TMEM231: variants seen among roughly 807,000 people sequenced by gnomAD.
TMEM231 encodes the protein transmembrane protein 231.
A neutral mutation model predicts 38.5 loss-of-function variants in TMEM231; 40 were observed. The observed-to-expected ratio is 1.04, with a 90% CI of 0.81 to 1.35. The LOEUF (loss-of-function observed/expected upper bound fraction) is 1.35, where lower values mean the gene tolerates loss of function less well. Ranked by LOEUF, TMEM231 falls within the 40% of genes most tolerant of loss-of-function variation. The pLI is 0.00. For synonymous variants in TMEM231, 199 were observed against 181.7 expected (o/e 1.10, Z -0.77); for missense variants, 420 against 416.9 (o/e 1.01, Z -0.07).
chr16:75,549,066 G>C (rs1405832579), intron 2 of TMEM231, among the ~76,000 whole-genome samples: 1 of 152,138 alleles, frequency 6.6e-6, no homozygotes. Context: ...GTGAGAAGGA[G>C]AGCAGGGTGG....
At chr16:75,543,843 T>C (rs78465617) in intron 4 of TMEM231, among the ~76,000 whole-genome samples, 3,842 of 152,330 alleles carry the variant, frequency 0.025, 146 homozygotes, top group African/African-American at 0.083. Flanking sequence ...TCTTTACAAC[T>C]TATATTGATT....
chr16:75,556,045 T>C (rs1415553982), intron 1 of TMEM231, 26 bp downstream of exon 1: 2 of 1,566,392 alleles, frequency 1.3e-6, no homozygotes, highest in East Asian at 2.4e-5. Flanking sequence ...GGGAGCCTCG[T>C]GGCACAGCGG....
chr16:75,541,541 T>C, intron 5 of TMEM231, 86 bp from the exon 6 acceptor site: 1 of 773,280 alleles, frequency 1.3e-6, no homozygotes, highest in Non-Finnish European at 2.0e-6. Flanking sequence ...TACCTGGAAA[T>C]TATCCTGTGC....
chr16:75,539,744 G>A lies in TMEM231; in HGVS notation c.*250C>T, dbSNP rs896533593. The A allele has an allele frequency of 1.0e-4, 38 of 367,020 alleles. No individual in the cohort carries two copies. The highest frequency in any genetic ancestry group is 2.1e-4 in the African/African-American group (10 of 47,940). 22.7% of individuals were successfully genotyped at this position (367,020 alleles called of 1,614,324 possible). A position where few individuals can be genotyped will look rare whatever the true frequency, so the allele number is the denominator to read the frequency against. On this transcript the variant is annotated 3_prime_UTR_variant, in exon 7 of 7. Transcript: ENST00000258173. ...GAAATTCAACGCTAAGGCAAAGAAG[G>A]AAAACCCAAAAAGCTAATTATAGCC... is the stretch of plus-strand genomic sequence containing the variant.
intron 4 of TMEM231, among the ~76,000 whole-genome samples, chr16:75,542,905 A>G (rs1011891601): frequency 1.1e-4 from 16 of 152,158 alleles, no homozygotes; most frequent in African/African-American, 3.9e-4. Flanking sequence ...CTACTGCAGT[A>G]TCAATAATCT....
rs1008261817 is a variant in TMEM231, at chr16:75,537,783, C to T, written c.*2211G>A. 2.0e-5 allele frequency: 3 copies of T among 152,228 alleles called. No individual in the cohort carries two copies. Among genetic ancestry groups the T allele is most frequent in the Non-Finnish European group, 4.4e-5 (3 of 68,056 alleles). 9.4% of individuals were successfully genotyped at this position (152,228 alleles called of 1,614,324 possible). Reference sequence around the variant, plus strand: ...TACAGGCGTGAGCCACCGCTCCCGGCCTCTTGCTTTTTATTTACCTCTTGC... The same window carrying T: ...TACAGGCGTGAGCCACCGCTCCCGGTCTCTTGCTTTTTATTTACCTCTTGC... On this transcript the variant is annotated 3_prime_UTR_variant, in exon 7 of 7. Coordinates refer to ENST00000258173, the MANE Select transcript of TMEM231 (RefSeq NM_001077418.3).
intron 2 of TMEM231, among the ~76,000 whole-genome samples, chr16:75,549,432 C>T (rs2080730322): frequency 6.6e-6 from 1 of 152,118 alleles, no homozygotes; most frequent in Non-Finnish European, 1.5e-5. Context: ...ATTCATTGTC[C>T]CACGTGATTC....
In TMEM231 at chr16:75,545,465, C is replaced by T. The variant is rs776437833; in HGVS notation, c.469G>A (p.Ala157Thr). ...RMATLVMQSM[A>T]FLQSSFPVPG... ...ACAGGAAAGGAGGACTGGAGAAACG[C>T]CATGCTCTGCATCACGAGGGTCGCC... The change falls in exon 4 of 7, where the codon GCG (alanine) becomes ACG (threonine). Residue 157 changes from alanine to threonine, a missense_variant. Physicochemically the swap from Ala to Thr is moderately conservative, Grantham distance 58. Coordinates refer to ENST00000258173, the MANE Select transcript of TMEM231 (RefSeq NM_001077418.3). 7.5e-6 allele frequency: 12 copies of T among 1,589,518 alleles called. No individual in the cohort carries two copies. The highest frequency in any genetic ancestry group is 9.4e-6 in the Non-Finnish European group (11 of 1,165,410).
chr16:75,551,090 G>A (rs537048105), intron 2 of TMEM231, among the ~76,000 whole-genome samples: 132 of 152,276 alleles, frequency 8.7e-4, no homozygotes, highest in Admixed American at 1.8e-3. Context: ...TCATCACCGG[G>A]TGCTCCTTTC....
chr16:75,547,011 G>GA (rs937590828), intron 2 of TMEM231, among the ~76,000 whole-genome samples: 4 of 151,868 alleles, frequency 2.6e-5, no homozygotes, highest in African/African-American at 9.7e-5. Context: ...TGTAGGCAGT[G>GA]AAAAAAAACT....
Position 75,539,936 on chromosome 16 carries a change from T to G in TMEM231, c.*58A>C, listed in dbSNP as rs2080601193. 1.3e-5 allele frequency: 20 copies of G among 1,495,492 alleles called. No individual in the cohort carries two copies. Among genetic ancestry groups the G allele is most frequent in the Non-Finnish European group, 1.7e-5 (19 of 1,103,324 alleles). 92.6% of individuals were successfully genotyped at this position (1,495,492 alleles called of 1,614,324 possible). A position where few individuals can be genotyped will look rare whatever the true frequency, so the allele number is the denominator to read the frequency against. On this transcript the variant is annotated 3_prime_UTR_variant, in exon 7 of 7. Coordinates refer to ENST00000258173, the MANE Select transcript of TMEM231 (RefSeq NM_001077418.3). ...GCTCTTTCAAAAGGTCCTAAGATGT[T>G]CCCAGAAGATGACAATGAGGCAGCC... is the stretch of plus-strand genomic sequence containing the variant.
At chr16:75,548,029 C>G (rs1025504619) in intron 2 of TMEM231, among the ~76,000 whole-genome samples, 2 of 152,140 alleles carry the variant, frequency 1.3e-5, no homozygotes, top group African/African-American at 4.8e-5. Context: ...TTCCTTTGAT[C>G]TTTACAATAA....
chr16:75,547,508 C>CTAT lies in TMEM231; in HGVS notation c.310-1555_310-1554insATA, dbSNP rs1567437480. Among the ~76,000 whole-genome samples, 7 of 152,266 alleles carry CTAT rather than the reference C, an allele frequency of 4.6e-5. No homozygotes were observed. In the East Asian group the frequency reaches 5.8e-4, roughly 13 times the overall value. On this transcript the variant is annotated intron_variant, in intron 2 of 6. Transcript: ENST00000258173. Reference sequence around the variant, plus strand: ...AGGGCTGATGATCAAGTTACTGAGGCAATGATGGACTAGTCATTATAGGTA... The same window carrying CTAT: ...AGGGCTGATGATCAAGTTACTGAGGCTATAATGATGGACTAGTCATTATAGGTA...
At chr16:75,550,611 T>A (rs2080747584) in intron 2 of TMEM231, among the ~76,000 whole-genome samples, 1 of 152,212 alleles carries the variant, frequency 6.6e-6, no homozygotes, top group Non-Finnish European at 1.5e-5. Flanking sequence ...AGTATCCTGA[T>A]GTGTGACTTT....
At chr16:75,552,738 C>T (rs1471811680) in intron 2 of TMEM231, among the ~76,000 whole-genome samples, 2 of 152,092 alleles carry the variant, frequency 1.3e-5, no homozygotes, top group Admixed American at 6.6e-5. Flanking sequence ...GTTTTGATGC[C>T]GGCACAGGTG....
At chr16:75,545,297 T>C (rs1172222663) in intron 4 of TMEM231, 55 bp downstream of exon 4, 7 of 1,572,290 alleles carry the variant, frequency 4.5e-6, no homozygotes, top group Non-Finnish European at 3.5e-6. Context: ...TTAAAGAACT[T>C]AATGAACAGT....
At chr16:75,552,950 T>A (rs1567439682) in intron 2 of TMEM231, among the ~76,000 whole-genome samples, 1 of 152,208 alleles carries the variant, frequency 6.6e-6, no homozygotes, top group Non-Finnish European at 1.5e-5. Flanking sequence ...GTCAGCCTCC[T>A]TGAGGCTTGA....
chr16:75,556,263 G>A (rs984179433), upstream of TMEM231: 4 of 1,381,064 alleles, frequency 2.9e-6, no homozygotes, highest in Non-Finnish European at 3.7e-6. Context: ...GGCTTCTCCT[G>A]GTTGCCATCG....
chr16:75,549,310 T>C (rs184040371), intron 2 of TMEM231, among the ~76,000 whole-genome samples: 34 of 152,356 alleles, frequency 2.2e-4, no homozygotes, highest in Non-Finnish European at 4.3e-4. Context: ...TTAACACAAA[T>C]TCTAGGTCGC....
Sources: allele counts gnomAD v4.1 joint callset (sites outside exome capture counted in the v4.1 genomes callset), GRCh38; gene constraint gnomAD v4.1.1; transcripts MANE v1.5; gene names NCBI Gene and HGNC (gene_info 2026-07-23, HGNC 2026-07-21).